RIN2: variants seen among roughly 807,000 people sequenced by gnomAD.
RIN2 encodes the protein RAB5 interacting protein 2.
RIN2 carries 36 observed loss-of-function variants against 78.0 expected under a neutral mutation model. The ratio of observed to expected loss-of-function variants is 0.46; its 90% confidence interval spans 0.35 to 0.61. The LOEUF (loss-of-function observed/expected upper bound fraction) is 0.61, where lower values mean the gene tolerates loss of function less well. Among genes scored for constraint, RIN2 ranks in the 20% least tolerant of loss-of-function variants. RIN2 has a pLI of 0.00. For synonymous variants in RIN2, 466 were observed against 466.8 expected (o/e 1.00, Z 0.02); for missense variants, 1,087 against 1,159.7 (o/e 0.94, Z 0.91).
rs75679407 is a variant in RIN2 at position 19,928,775 on chromosome 20, T to G, written c.58-6324T>G. Among the ~76,000 whole-genome samples the G allele has an allele frequency of 2.5e-3, 388 of 152,158 alleles. 2 individuals are homozygous for G. Among genetic ancestry groups the G allele is most frequent in the African/African-American group, 9.0e-3 (374 of 41,494 alleles). The stretch of plus-strand genomic sequence containing the variant: ...GGACCCAACCCCTGACCTGCCTTCC[T>G]CTCCCTCTTGTGGTCACCAGCACCC... On this transcript the variant is annotated intron_variant, in intron 3 of 12. Coordinates refer to ENST00000255006, the MANE Select transcript of RIN2 (RefSeq NM_018993.4).
In RIN2 at chr20:19,974,675, A is replaced by C. The variant is rs781295792; in HGVS notation, c.650A>C (p.Asp217Ala). The change falls in exon 9 of 13, where the codon GAC becomes GCC. Residue 217 changes from aspartate (D) to alanine (A), a missense_variant. Asp to Ala is a moderately radical substitution (Grantham distance 126). This residue lies in a region of RIN2 where 706 missense variants were observed against 667.5 expected (regional missense o/e 1.06). Transcript: ENST00000255006. ...TCAGATTTCTGGAGCTCCCCAGCTG[A>C]CAGCAAACCCCCGAACCTTCCACCT... is the stretch of plus-strand genomic sequence containing the variant. ...MGLNFWSSPA[D>A]SKPPNLPPPH... The C allele has an allele frequency of 6.2e-7, 1 of 1,612,554 alleles. No homozygotes were observed. Among genetic ancestry groups the C allele is most frequent in the Admixed American group, 1.7e-5 (1 of 59,974 alleles).
At chr20:19,819,824 A>T (rs1319864874) in intron 2 of RIN2, among the ~76,000 whole-genome samples, 1 of 152,184 alleles carries the variant, frequency 6.6e-6, no homozygotes, top group Non-Finnish European at 1.5e-5. Flanking sequence ...ATGAGCCACC[A>T]CACCCAGCTG....
intron 3 of RIN2, among the ~76,000 whole-genome samples, chr20:19,922,380 T>C (rs2039959820): frequency 6.6e-6 from 1 of 152,134 alleles, no homozygotes; most frequent in Non-Finnish European, 1.5e-5. Context: ...TCCTGACCAC[T>C]CTTTCTCTGG....
intron 9 of RIN2, among the ~76,000 whole-genome samples, chr20:19,985,699 C>T (rs768493104): frequency 6.6e-6 from 1 of 152,084 alleles, no homozygotes. Flanking sequence ...TAGTGAGACC[C>T]CCAGCATCTC....
intron 8 of RIN2, among the ~76,000 whole-genome samples, chr20:19,972,589 G>T (rs966407579): frequency 2.6e-5 from 4 of 152,132 alleles, no homozygotes; most frequent in African/African-American, 9.7e-5. Flanking sequence ...AATATTCCTC[G>T]AGGGTCTGCT....
chr20:19,953,648 C>A (rs1355094527), intron 4 of RIN2, among the ~76,000 whole-genome samples: 1 of 152,060 alleles, frequency 6.6e-6, no homozygotes, highest in Non-Finnish European at 1.5e-5. Flanking sequence ...CCATGTTGGC[C>A]AGGCTGATCT....
At chr20:19,989,867 T>C in intron 9 of RIN2, 139 bp from the exon 10 acceptor site, 1 of 787,740 alleles carries the variant, frequency 1.3e-6, no homozygotes, top group East Asian at 2.8e-5. Context: ...TGGTGTTGTC[T>C]GTTGGTTGGA....
chr20:19,902,031 A>C (rs1460237454), intron 3 of RIN2, among the ~76,000 whole-genome samples: 3 of 150,972 alleles, frequency 2.0e-5, no homozygotes, highest in Middle Eastern at 3.4e-3. Flanking sequence ...AAAAAAAAAA[A>C]AAAAAAAAAA....
chr20:19,981,013 C>T (rs1010922883), intron 9 of RIN2, among the ~76,000 whole-genome samples: 4 of 152,208 alleles, frequency 2.6e-5, no homozygotes, highest in African/African-American at 9.6e-5. Flanking sequence ...CAAGTGAGAG[C>T]ACTGGTAATC....
chr20:19,815,457 T>C (rs1029923612), intron 2 of RIN2, among the ~76,000 whole-genome samples: 1 of 152,230 alleles, frequency 6.6e-6, no homozygotes, highest in African/African-American at 2.4e-5. Flanking sequence ...GTAATTTATT[T>C]CTTTTTATGG....
At chr20:19,968,241 T>C (rs1191699613) in intron 7 of RIN2, among the ~76,000 whole-genome samples, 1 of 152,244 alleles carries the variant, frequency 6.6e-6, no homozygotes, top group Non-Finnish European at 1.5e-5. Context: ...TGTAATTTAA[T>C]AGTAGTTGCC....
At chr20:19,944,274 A>G (rs2040997403) in intron 4 of RIN2, among the ~76,000 whole-genome samples, 1 of 152,080 alleles carries the variant, frequency 6.6e-6, no homozygotes, top group Non-Finnish European at 1.5e-5. Context: ...ATATTCTTCC[A>G]CAAGTTGTTG....
At chr20:19,911,435 A>G (rs1239442199) in intron 3 of RIN2, among the ~76,000 whole-genome samples, 2 of 152,184 alleles carry the variant, frequency 1.3e-5, no homozygotes, top group Non-Finnish European at 2.9e-5. Flanking sequence ...AACCATCTGA[A>G]AATACATTGG....
chr20:19,813,533 C>T (rs2035668681), intron 2 of RIN2, among the ~76,000 whole-genome samples: 1 of 152,126 alleles, frequency 6.6e-6, no homozygotes, highest in African/African-American at 2.4e-5. Flanking sequence ...TAGATTATAA[C>T]AATTGGGCAA....
intron 2 of RIN2, among the ~76,000 whole-genome samples, chr20:19,853,085 A>C (rs1204475154): frequency 7.8e-6 from 1 of 128,810 alleles, no homozygotes; most frequent in Non-Finnish European, 1.5e-5. Context: ...TCCTGTGTCC[A>C]TGTGTTCTCA....
intron 1 of RIN2, among the ~76,000 whole-genome samples, chr20:19,784,700 G>A (rs757421282): frequency 3.3e-5 from 5 of 152,270 alleles, no homozygotes; most frequent in African/African-American, 9.6e-5. Flanking sequence ...GGCAGGCTCC[G>A]GAGCCCGCCC....
chr20:19,902,848 C>T (rs926704707), intron 3 of RIN2, among the ~76,000 whole-genome samples: 1 of 152,112 alleles, frequency 6.6e-6, no homozygotes, highest in Non-Finnish European at 1.5e-5. Flanking sequence ...AATCCCAGCA[C>T]TTTGGGAGGC....
At chr20:19,877,791 G>T (rs531611486) in intron 2 of RIN2, among the ~76,000 whole-genome samples, 62 of 152,186 alleles carry the variant, frequency 4.1e-4, no homozygotes, top group African/African-American at 1.4e-3. Context: ...GGCTGAGGTG[G>T]GAGGATCGCT....
intron 2 of RIN2, among the ~76,000 whole-genome samples, chr20:19,801,387 G>C (rs1473560735): frequency 2.0e-5 from 3 of 151,794 alleles, no homozygotes; most frequent in South Asian, 2.1e-4. Context: ...GTGGCGCAAT[G>C]TCGGCTCACT....
Sources: allele counts gnomAD v4.1 joint callset (sites outside exome capture counted in the v4.1 genomes callset), GRCh38; gene constraint gnomAD v4.1.1; regional missense constraint gnomAD v4.1.1; transcripts MANE v1.5; gene names NCBI Gene and HGNC (gene_info 2026-07-23, HGNC 2026-07-21).